RELN: variants seen among roughly 807,000 people sequenced by gnomAD.
RELN encodes the protein reelin.
RELN carries 108 observed loss-of-function variants against 427.6 expected under a neutral mutation model. That is an observed-to-expected ratio of 0.25 (90% CI 0.22 to 0.30). The LOEUF is 0.30. Ranked by LOEUF, RELN falls within the 10% of genes least tolerant of loss-of-function variation. The pLI is 1.00. For synonymous variants in RELN, 1,524 were observed against 1,513.4 expected (o/e 1.01, Z -0.16); for missense variants, 3,715 against 4,302.8 (o/e 0.86, Z 3.82).
chr7:103,940,873 T>C (rs2116735315), intron 1 of RELN, among the ~76,000 whole-genome samples: 1 of 152,330 alleles, frequency 6.6e-6, no homozygotes, highest in South Asian at 2.1e-4. Context: ...GTGAGTACTA[T>C]TTCCTTCCTT....
At chr7:103,513,490 T>G (rs953937441) in intron 50 of RELN, 1 of 152,166 alleles carries the variant, frequency 6.6e-6, no homozygotes, top group African/African-American at 2.4e-5. Context: ...TGAAGCAAAG[T>G]TCTGAAGCAG....
chr7:103,955,023 C>A (rs1796405699), intron 1 of RELN, among the ~76,000 whole-genome samples: 1 of 152,186 alleles, frequency 6.6e-6, no homozygotes, highest in South Asian at 2.1e-4. Context: ...ATCATTTGTT[C>A]ATTAAAAGCA....
intron 11 of RELN, among the ~76,000 whole-genome samples, chr7:103,675,018 T>G (rs1012002094): frequency 6.6e-6 from 1 of 152,162 alleles, no homozygotes; most frequent in African/African-American, 2.4e-5. Flanking sequence ...TTCAACATAG[T>G]GTTGGAAGTT....
chr7:103,727,096 C>A (rs1790230326), intron 7 of RELN, among the ~76,000 whole-genome samples: 1 of 152,130 alleles, frequency 6.6e-6, no homozygotes, highest in African/African-American at 2.4e-5. Context: ...TTGGCTTTCA[C>A]ATTTTGATAA....
chr7:103,953,287 AATAAC>A lies in RELN; in HGVS notation c.226+35839_226+35843del, dbSNP rs1796369086. Among the ~76,000 whole-genome samples, 1 of 152,202 alleles carries A rather than the reference AATAAC, an allele frequency of 6.6e-6. No homozygotes were observed. Among genetic ancestry groups the A allele is most frequent in the African/African-American group, 2.4e-5 (1 of 41,458 alleles). ...AAATACTGCCCTACTTGAAACTCACAATAACAAGTGGAAGGGTTATTGTTTTATCA... is the reference window on the plus strand; with the variant it reads ...AAATACTGCCCTACTTGAAACTCACAAAGTGGAAGGGTTATTGTTTTATCA... On this transcript the variant is annotated intron_variant, in intron 1 of 64. Coordinates refer to ENST00000428762, the MANE Select transcript of RELN (RefSeq NM_005045.4). This position sits in a 1 kb window ranked among gnomAD's most constrained non-coding sequence, Gnocchi z 4.3.
intron 60 of RELN, among the ~76,000 whole-genome samples, chr7:103,489,213 T>TGTGTGTGTGTGTGCGCGCGCACGCGC (rs1828560499): frequency 6.8e-6 from 1 of 147,674 alleles, no homozygotes; most frequent in African/African-American, 2.7e-5. Flanking sequence ...GGTGTGTGTG[T>TGTGTGTGTGTGTGCGCGCGCACGCGC]GTGTGTGTGT....
chr7:103,589,957 A>C (rs955868580), intron 27 of RELN, 129 bp from the exon 28 acceptor site: 2 of 706,064 alleles, frequency 2.8e-6, no homozygotes, highest in Non-Finnish European at 5.2e-6. Flanking sequence ...AGGAATTGTG[A>C]GCTCAGTCCC....
At chr7:103,534,290 A>T (rs1290451871) in intron 46 of RELN, among the ~76,000 whole-genome samples, 1 of 152,204 alleles carries the variant, frequency 6.6e-6, no homozygotes, top group Non-Finnish European at 1.5e-5. Context: ...TCTTGGAGGA[A>T]ATAGGAGTTT....
At chr7:103,921,522 G>C (rs372837627) in intron 1 of RELN, among the ~76,000 whole-genome samples, 1 of 152,044 alleles carries the variant, frequency 6.6e-6, no homozygotes, top group African/African-American at 2.4e-5. Context: ...CAATATTATC[G>C]ATTTCATACA....
intron 2 of RELN, among the ~76,000 whole-genome samples, chr7:103,858,940 A>G (rs1794009330): frequency 6.6e-6 from 1 of 152,186 alleles, no homozygotes; most frequent in African/African-American, 2.4e-5. Context: ...AGATGCAAAC[A>G]CAGGCTTGCC....
At chr7:103,568,123 A>AT (rs976902867) in intron 31 of RELN, among the ~76,000 whole-genome samples, 13 of 151,988 alleles carry the variant, frequency 8.6e-5, no homozygotes, top group Non-Finnish European at 1.9e-4. Context: ...GAAAATTATA[A>AT]TTTTTTTTGC....
chr7:103,804,256 A>G (rs1191556659), intron 3 of RELN, among the ~76,000 whole-genome samples: 1 of 152,168 alleles, frequency 6.6e-6, no homozygotes, highest in African/African-American at 2.4e-5. Context: ...ATTATTCTAA[A>G]TTATGTCTAA....
At chr7:103,714,518 G>A (rs1789888430) in intron 8 of RELN, among the ~76,000 whole-genome samples, 1 of 152,198 alleles carries the variant, frequency 6.6e-6, no homozygotes, top group Non-Finnish European at 1.5e-5. Flanking sequence ...TGGTTGGTAT[G>A]CTCTCCGCTG....
intron 1 of RELN, among the ~76,000 whole-genome samples, chr7:103,923,338 A>G (rs865888468): frequency 6.6e-6 from 1 of 152,188 alleles, no homozygotes; most frequent in Non-Finnish European, 1.5e-5. Context: ...AAACCTCTAG[A>G]AGAACATGAC....
In RELN at chr7:103,620,647, T is replaced by C. The variant is rs1489787226; in HGVS notation, c.2703-8844A>G. 6.6e-6 allele frequency among the ~76,000 whole-genome samples: 1 copy of C among 152,076 alleles called. No homozygotes were observed. The highest frequency in any genetic ancestry group is 1.9e-4 in the East Asian group (1 of 5,188). ...CACCACTACACCCAGCTAATTTCTG[T>C]ATTTTTAGTAGAGATGAGGTTCCAT... On this transcript the variant is annotated intron_variant, in intron 20 of 64. Coordinates refer to ENST00000428762, the MANE Select transcript of RELN (RefSeq NM_005045.4). This position sits in a 1 kb window ranked among gnomAD's most constrained non-coding sequence, Gnocchi z 4.1.
At chr7:103,585,099 A>T (rs755523151) in intron 28 of RELN, among the ~76,000 whole-genome samples, 2 of 152,178 alleles carry the variant, frequency 1.3e-5, no homozygotes, top group African/African-American at 4.8e-5. Context: ...TGCCTATATA[A>T]AAAAGATAGA....
chr7:103,660,600 C>T (rs1447043764), intron 12 of RELN, among the ~76,000 whole-genome samples: 1 of 152,122 alleles, frequency 6.6e-6, no homozygotes, highest in East Asian at 1.9e-4. Context: ...ATCTGTTTGT[C>T]CTGATGAACT....
chr7:103,813,705 C>T (rs1180748392), intron 3 of RELN, among the ~76,000 whole-genome samples: 1 of 152,004 alleles, frequency 6.6e-6, no homozygotes, highest in African/African-American at 2.4e-5. Context: ...AAATCTTAAA[C>T]ATGGAGCACA....
chr7:103,921,028 A>AATGAAGC (rs1163194916), intron 1 of RELN, among the ~76,000 whole-genome samples: 1 of 152,222 alleles, frequency 6.6e-6, no homozygotes, highest in Admixed American at 6.5e-5. Context: ...AGACTTAAAG[A>AATGAAGC]ATGAAGCAAG....
Sources: gnomAD v4.1 joint callset for allele counts (sites outside exome capture counted in the v4.1 genomes callset) on GRCh38, gnomAD v4.1.1 for gene constraint, Gnocchi (gnomAD v3.1) non-coding constraint, MANE v1.5 for transcripts, NCBI Gene and HGNC (gene_info 2026-07-23, HGNC 2026-07-21) for gene names.